PACSIN2: variants seen among roughly 807,000 people sequenced by gnomAD.
The protein encoded by PACSIN2 is protein kinase C and casein kinase substrate in neurons 2.
In PACSIN2, 25 loss-of-function variants were observed where a neutral mutation model predicts 63.8. The ratio of observed to expected loss-of-function variants is 0.39; its 90% confidence interval spans 0.29 to 0.55. The LOEUF is 0.55. Ranked by LOEUF, PACSIN2 falls within the 20% of genes least tolerant of loss-of-function variation. The pLI is 0.62. For synonymous variants in PACSIN2, 255 were observed against 256.2 expected (o/e 1.00, Z 0.05); for missense variants, 518 against 646.9 (o/e 0.80, Z 2.16).
At chr22:42,921,143 A>T (rs1415066798) in intron 1 of PACSIN2, among the ~76,000 whole-genome samples, 1 of 151,904 alleles carries the variant, frequency 6.6e-6, no homozygotes, top group Non-Finnish European at 1.5e-5. Context: ...GCAGATCATG[A>T]GGTCAGGAGA....
At chr22:42,989,967 A>T (rs992814174) in intron 1 of PACSIN2, among the ~76,000 whole-genome samples, 5 of 127,052 alleles carry the variant, frequency 3.9e-5, no homozygotes, top group Admixed American at 3.3e-4. Context: ...AAACAGGTTT[A>T]AAAAAAGAAG....
chr22:42,948,367 AG>A (rs1213959633), intron 1 of PACSIN2, among the ~76,000 whole-genome samples: 2 of 152,242 alleles, frequency 1.3e-5, no homozygotes, highest in Non-Finnish European at 2.9e-5. Flanking sequence ...TAAGAATGCT[AG>A]GTAAGCATGG....
intron 1 of PACSIN2, among the ~76,000 whole-genome samples, chr22:42,981,406 G>T (rs1922111339): frequency 3.9e-5 from 5 of 129,056 alleles, no homozygotes; most frequent in Admixed American, 7.6e-5. Context: ...GGTGAGGGGC[G>T]CCTCTGCCCG....
intron 1 of PACSIN2, among the ~76,000 whole-genome samples, chr22:42,980,440 A>G (rs986284143): frequency 1.3e-5 from 2 of 151,154 alleles, no homozygotes; most frequent in Non-Finnish European, 2.9e-5. Flanking sequence ...CGACAGAGAG[A>G]GACCCTCCCT....
At chr22:42,951,289 G>A (rs532339030) in intron 1 of PACSIN2, among the ~76,000 whole-genome samples, 4 of 152,210 alleles carry the variant, frequency 2.6e-5, no homozygotes, top group South Asian at 2.1e-4. Context: ...AAGTAATTCC[G>A]GACAGTCCTG....
chr22:42,950,321 C>A (rs1933625573), intron 1 of PACSIN2, among the ~76,000 whole-genome samples: 1 of 50,822 alleles, frequency 2.0e-5, no homozygotes, highest in Non-Finnish European at 4.0e-5. Context: ...TTTGGAGGGT[C>A]CTGGAACAAT....
At chr22:42,985,945 C>A (rs1337163264) in intron 1 of PACSIN2, among the ~76,000 whole-genome samples, 1 of 151,292 alleles carries the variant, frequency 6.6e-6, no homozygotes, top group Non-Finnish European at 1.5e-5. Flanking sequence ...TATAGAGCCA[C>A]CGGCCACTTG....
At chr22:42,886,594 T>C (rs1357880948) in intron 5 of PACSIN2, among the ~76,000 whole-genome samples, 2 of 152,134 alleles carry the variant, frequency 1.3e-5, no homozygotes, top group Non-Finnish European at 2.9e-5. Flanking sequence ...GCCTCCAAAG[T>C]AGCTGGGACT....
intron 1 of PACSIN2, among the ~76,000 whole-genome samples, chr22:42,937,983 C>T (rs1296525841): frequency 6.6e-6 from 1 of 152,188 alleles, no homozygotes; most frequent in Non-Finnish European, 1.5e-5. Flanking sequence ...TTGATTTTTC[C>T]CAGCTAACTT....
At chr22:42,891,539 T>C (rs1199876304) in intron 3 of PACSIN2, among the ~76,000 whole-genome samples, 1 of 152,154 alleles carries the variant, frequency 6.6e-6, no homozygotes, top group Non-Finnish European at 1.5e-5. Flanking sequence ...TAGCTGGGAT[T>C]ACAGGTGCCC....
At chr22:43,011,681 A>G (rs1924496936) in intron 1 of PACSIN2, among the ~76,000 whole-genome samples, 1 of 152,230 alleles carries the variant, frequency 6.6e-6, no homozygotes, top group Non-Finnish European at 1.5e-5. Context: ...GTTCCAGATC[A>G]GCCTGGCCAA....
chr22:43,010,398 A>ATATATATATATT, intron 1 of PACSIN2, among the ~76,000 whole-genome samples: 22 of 126,404 alleles, frequency 1.7e-4, no homozygotes, highest in African/African-American at 5.9e-4. Flanking sequence ...ATATATATAT[A>ATATATATATATT]TTTTTTTTTA....
intron 1 of PACSIN2, among the ~76,000 whole-genome samples, chr22:42,973,439 C>T (rs746112580): frequency 1.3e-5 from 2 of 152,172 alleles, no homozygotes; most frequent in East Asian, 3.9e-4. Context: ...TTTTTGTCAA[C>T]AAGGCTCCAC....
At chr22:42,998,465 A>G (rs1443778673) in intron 1 of PACSIN2, among the ~76,000 whole-genome samples, 1 of 152,228 alleles carries the variant, frequency 6.6e-6, no homozygotes, top group Non-Finnish European at 1.5e-5. Context: ...AGAGCAAGAA[A>G]AGGGCAACAA....
chr22:42,981,760 G>A (rs1922163765), intron 1 of PACSIN2, among the ~76,000 whole-genome samples: 3 of 119,406 alleles, frequency 2.5e-5, no homozygotes, highest in Admixed American at 7.6e-5. Flanking sequence ...CAGTCGCCCC[G>A]TCCAGGAGGG....
chr22:43,003,019 T>C (rs1923862181), intron 1 of PACSIN2, among the ~76,000 whole-genome samples: 1 of 152,254 alleles, frequency 6.6e-6, no homozygotes. Flanking sequence ...ACTAGGCACC[T>C]GATCTCACTA....
chr22:42,969,386 T>G (rs1921071750), intron 1 of PACSIN2, among the ~76,000 whole-genome samples: 1 of 152,218 alleles, frequency 6.6e-6, no homozygotes. Context: ...CCAGTGATTT[T>G]TCTCCCTGAA....
intron 1 of PACSIN2, among the ~76,000 whole-genome samples, chr22:42,929,841 A>C (rs1166355162): frequency 6.6e-6 from 1 of 152,186 alleles, no homozygotes. Flanking sequence ...TTATTCTTTA[A>C]GATCAAGATC....
chr22:42,892,185 G>A (rs1300679685), intron 3 of PACSIN2, among the ~76,000 whole-genome samples: 1 of 152,094 alleles, frequency 6.6e-6, no homozygotes, highest in Non-Finnish European at 1.5e-5. Context: ...AGGGGGTAGG[G>A]TGGGGTGGCG....
Sources: gnomAD v4.1 joint callset for allele counts (sites outside exome capture counted in the v4.1 genomes callset) on GRCh38, gnomAD v4.1.1 for gene constraint, MANE v1.5 for transcripts, NCBI Gene and HGNC (gene_info 2026-07-23, HGNC 2026-07-21) for gene names.